Variants in KLF12 observed in about 807,000 individuals in gnomAD.
The protein encoded by KLF12 is KLF transcription factor 12.
KLF12 carries 9 observed loss-of-function variants against 37.8 expected under a neutral mutation model. The ratio of observed to expected loss-of-function variants is 0.24; its 90% CI spans 0.14 to 0.42. The LOEUF (loss-of-function observed/expected upper bound fraction) is 0.42, where lower values mean the gene tolerates loss of function less well. Among genes scored for constraint, KLF12 ranks in the 10% least tolerant of loss-of-function variants. KLF12 has a pLI of 1.00. For missense variants in KLF12, 411 were observed against 516.0 expected (o/e 0.80, Z 1.97); for synonymous variants, 208 against 202.1 (o/e 1.03, Z -0.25).
At chr13:73,976,438 C>G (rs1263663424) in intron 2 of KLF12, among the ~76,000 whole-genome samples, 1 of 152,128 alleles carries the variant, frequency 6.6e-6, no homozygotes, top group Non-Finnish European at 1.5e-5. Context: ...ATCAGTATCT[C>G]TCAGTTCTAC....
chr13:74,130,092 CTTGCTTGCTT>C (rs1231529800), intron 1 of KLF12, among the ~76,000 whole-genome samples: 1 of 152,204 alleles, frequency 6.6e-6, no homozygotes, highest in Non-Finnish European at 1.5e-5. Context: ...CATCTGTTTA[CTTGCTTGCTT>C]TTGGGAGGAG....
intron 2 of KLF12, among the ~76,000 whole-genome samples, chr13:73,984,428 G>A (rs1028754299): frequency 6.6e-6 from 1 of 152,128 alleles, no homozygotes; most frequent in African/African-American, 2.4e-5. Context: ...GACGCGTCTT[G>A]CTCAGGGAAG....
At chr13:74,157,743 A>G in the KLF12 span, among the ~76,000 whole-genome samples, 1 of 152,176 alleles carries the variant, frequency 6.6e-6, no homozygotes, top group Non-Finnish European at 1.5e-5. Context: ...AAGATTGGCC[A>G]ATTTTTTGGG....
intron 1 of KLF12, among the ~76,000 whole-genome samples, chr13:74,028,645 C>T (rs1893036218): frequency 6.6e-6 from 1 of 151,958 alleles, no homozygotes; most frequent in South Asian, 2.1e-4. Flanking sequence ...TCTAGAAGTT[C>T]TCTTACTATG....
At chr13:73,929,201 G>A (rs1334318072) in intron 3 of KLF12, among the ~76,000 whole-genome samples, 1 of 152,214 alleles carries the variant, frequency 6.6e-6, no homozygotes, top group African/African-American at 2.4e-5. Flanking sequence ...CTTTCTGGAA[G>A]AGGGATTTTG....
chr13:73,761,310 C>T (rs1441941112), intron 6 of KLF12, among the ~76,000 whole-genome samples: 1 of 152,034 alleles, frequency 6.6e-6, no homozygotes, highest in Non-Finnish European at 1.5e-5. Flanking sequence ...CAAAATTTGC[C>T]ACTTCAGCCT....
intron 3 of KLF12, among the ~76,000 whole-genome samples, chr13:73,882,533 T>C (rs1214682415): frequency 6.6e-6 from 1 of 152,218 alleles, no homozygotes; most frequent in East Asian, 1.9e-4. Flanking sequence ...CACTGATATG[T>C]AACACTTCCG....
the KLF12 span, among the ~76,000 whole-genome samples, chr13:74,144,315 C>T: frequency 6.6e-6 from 1 of 152,086 alleles, no homozygotes; most frequent in African/African-American, 2.4e-5. Flanking sequence ...TTGACAGACC[C>T]AACAGATTAC....
intron 5 of KLF12, among the ~76,000 whole-genome samples, chr13:73,796,645 G>GA (rs1881993009): frequency 6.6e-6 from 1 of 151,790 alleles, no homozygotes; most frequent in Non-Finnish European, 1.5e-5. Context: ...AAATCTTATA[G>GA]AAAACTCTTT....
intron 7 of KLF12, among the ~76,000 whole-genome samples, chr13:73,700,008 G>A (rs1239638917): frequency 6.6e-6 from 1 of 152,182 alleles, no homozygotes; most frequent in Non-Finnish European, 1.5e-5. Flanking sequence ...GTTCATGGCA[G>A]TAATCCCAGC....
At chr13:74,228,805 T>C in the KLF12 span, among the ~76,000 whole-genome samples, 1 of 138,280 alleles carries the variant, frequency 7.2e-6, no homozygotes, top group Non-Finnish European at 1.5e-5. Context: ...TCCCCTAATG[T>C]ATTTTTCTTT....
At chr13:73,978,406 C>T (rs905944572) in intron 2 of KLF12, among the ~76,000 whole-genome samples, 6 of 152,094 alleles carry the variant, frequency 3.9e-5, no homozygotes, top group African/African-American at 7.2e-5. Flanking sequence ...AAAGCAACAA[C>T]GATACAACAC....
the KLF12 span, among the ~76,000 whole-genome samples, chr13:74,194,710 A>G: frequency 1.3e-5 from 2 of 152,228 alleles, no homozygotes; most frequent in Non-Finnish European, 2.9e-5. Context: ...TAGATGACAT[A>G]GGAATTTCAT....
intron 5 of KLF12, among the ~76,000 whole-genome samples, chr13:73,770,525 C>CT (rs35793245): frequency 0.02 from 2,872 of 144,354 alleles, 85 homozygotes; most frequent in African/African-American, 0.065. Flanking sequence ...AATATGTGAA[C>CT]TTTTTTTTTT....
At chr13:73,844,434 G>A (rs1001541070) in intron 4 of KLF12, among the ~76,000 whole-genome samples, 1 of 152,112 alleles carries the variant, frequency 6.6e-6, no homozygotes, top group Admixed American at 6.5e-5. Flanking sequence ...AGAATAGTGG[G>A]ACTAGCTCCT....
At chr13:74,183,145 A>G in the KLF12 span, among the ~76,000 whole-genome samples, 2 of 152,190 alleles carry the variant, frequency 1.3e-5, no homozygotes, top group Non-Finnish European at 2.9e-5. Context: ...AGTATTGATT[A>G]ATTGAGTGTC....
upstream of KLF12, among the ~76,000 whole-genome samples, chr13:74,138,475 C>T (rs1285275764): frequency 6.6e-6 from 1 of 152,194 alleles, no homozygotes; most frequent in Non-Finnish European, 1.5e-5. Context: ...TAAAAGCCTT[C>T]CTATAACTGC....
At chr13:73,905,957 G>A (rs1017985114) in intron 3 of KLF12, among the ~76,000 whole-genome samples, 8 of 152,030 alleles carry the variant, frequency 5.3e-5, no homozygotes, top group Non-Finnish European at 2.9e-5. Flanking sequence ...GAATGCAAAT[G>A]GCTGTTTGAT....
chr13:73,984,040 A>C (rs1212178939), intron 2 of KLF12, among the ~76,000 whole-genome samples: 1 of 152,202 alleles, frequency 6.6e-6, no homozygotes, highest in Non-Finnish European at 1.5e-5. Context: ...GAAATGGGAA[A>C]ATCAAGGAAA....
Sources: allele counts gnomAD v4.1 joint callset (sites outside exome capture counted in the v4.1 genomes callset), GRCh38; gene constraint gnomAD v4.1.1; transcripts MANE v1.5; gene names NCBI Gene and HGNC (gene_info 2026-07-23, HGNC 2026-07-21).